KICS2: variants seen among roughly 807,000 people sequenced by gnomAD.
KICS2 encodes the protein KICSTOR subunit 2, also known as KICSTOR complex protein C12orf66.
KICS2 carries 13 observed loss-of-function variants against 31.4 expected under a neutral mutation model. The observed-to-expected ratio is 0.41, with a 90% confidence interval of 0.27 to 0.66. KICS2 has a LOEUF of 0.66. Among genes scored for constraint, KICS2 ranks in the 30% least tolerant of loss-of-function variants. The pLI, the probability that KICS2 is intolerant of heterozygous loss-of-function variation, is 0.28. For synonymous variants in KICS2, 209 were observed against 214.8 expected, an observed-to-expected ratio of 0.97 and a Z score of 0.24; for missense variants, 455 against 545.4, an observed-to-expected ratio of 0.83 and a Z score of 1.65.
Position 64,193,611 on chromosome 12 carries a change from T to C in KICS2, c.*231A>G, listed in dbSNP as rs539554559. Reference sequence around the variant, plus strand: ...GGGGAAAATACTGAAACTACTTTGCTGTACCATGGAGACACATGGTAGCCC... The same window carrying C: ...GGGGAAAATACTGAAACTACTTTGCCGTACCATGGAGACACATGGTAGCCC... On this transcript the variant is annotated 3_prime_UTR_variant, in exon 3 of 3. Transcript: ENST00000398055. 1 of 1,337,442 alleles carries C rather than the reference T, an allele frequency of 7.5e-7. No individual in the cohort carries two copies. Among genetic ancestry groups the C allele is most frequent in the Non-Finnish European group, 9.5e-7 (1 of 1,048,392 alleles). 82.8% of individuals were successfully genotyped at this position (1,337,442 alleles called of 1,614,324 possible).
At chr12:64,202,752 A>G (rs1340956323) in intron 2 of KICS2, among the ~76,000 whole-genome samples, 1 of 151,828 alleles carries the variant, frequency 6.6e-6, no homozygotes, top group Non-Finnish European at 1.5e-5. Context: ...TATCCCATAG[A>G]TTAGTACCTG....
chr12:64,191,118 T>C lies in KICS2; in HGVS notation c.*2724A>G, dbSNP rs2037374934. On this transcript the variant is annotated 3_prime_UTR_variant, in exon 3 of 3. Coordinates refer to ENST00000398055, the MANE Select transcript of KICS2 (RefSeq NM_152440.5). Reference sequence around the variant, plus strand: ...TCTTTTAATTAGCAAAACACAGACTTTACAGATCTCATTACTATATTTAGA... The same window carrying C: ...TCTTTTAATTAGCAAAACACAGACTCTACAGATCTCATTACTATATTTAGA... 1 of 152,212 alleles carries C rather than the reference T, an allele frequency of 6.6e-6. No individual in the cohort carries two copies. The highest frequency in any genetic ancestry group is 1.5e-5 in the Non-Finnish European group (1 of 68,034). The allele number at this position is 152,212 out of a possible 1,614,324, so 9.4% of individuals were successfully genotyped here. A position where few individuals can be genotyped will look rare whatever the true frequency, so the allele number is the denominator to read the frequency against.
downstream of KICS2, among the ~76,000 whole-genome samples, chr12:64,190,181 G>A (rs1045102772): frequency 2.7e-5 from 4 of 149,808 alleles, no homozygotes; most frequent in Non-Finnish European, 4.4e-5. Context: ...AAAAGAACAG[G>A]AAAGGTGCCA....
At chr12:64,190,745 CA>C (rs200719134), downstream of KICS2, among the ~76,000 whole-genome samples, 55 of 138,310 alleles carry the variant, frequency 4.0e-4, no homozygotes, top group South Asian at 9.4e-4. Flanking sequence ...CTTGCCTTTT[CA>C]AAAAAAAAAA....
At chr12:64,210,439 G>A (rs2037572640) in intron 2 of KICS2, among the ~76,000 whole-genome samples, 1 of 152,088 alleles carries the variant, frequency 6.6e-6, no homozygotes, top group African/African-American at 2.4e-5. Context: ...CTGGGAAGTG[G>A]GGTGTTTCAA....
intron 1 of KICS2, among the ~76,000 whole-genome samples, chr12:64,217,610 C>T (rs2037640980): frequency 6.6e-6 from 1 of 151,902 alleles, no homozygotes; most frequent in South Asian, 2.1e-4. Context: ...ACCAGCCTGG[C>T]CAACATGGTG....
chr12:64,220,562 T>C (rs2037671371), intron 1 of KICS2, among the ~76,000 whole-genome samples: 1 of 151,630 alleles, frequency 6.6e-6, no homozygotes, highest in South Asian at 2.1e-4. Context: ...CAAAGAATCA[T>C]GGCACTTGAA....
chr12:64,204,126 T>C (rs576963156), intron 2 of KICS2, among the ~76,000 whole-genome samples: 3 of 152,246 alleles, frequency 2.0e-5, no homozygotes, highest in Non-Finnish European at 4.4e-5. Context: ...AAACACTGCA[T>C]GTTCTCACTT....
At chr12:64,196,188 T>A (rs1268539466) in intron 2 of KICS2, among the ~76,000 whole-genome samples, 1 of 151,944 alleles carries the variant, frequency 6.6e-6, no homozygotes, top group Non-Finnish European at 1.5e-5. Context: ...CTCTGCAGAC[T>A]TAAATGTCCC....
chr12:64,215,705 T>A lies in KICS2; in HGVS notation c.494A>T (p.Asp165Val). 1 of 1,613,628 alleles carries A rather than the reference T, an allele frequency of 6.2e-7. No individual in the cohort carries two copies. Among genetic ancestry groups the A allele is most frequent in the Non-Finnish European group, 8.5e-7 (1 of 1,179,938 alleles). Residue 165 changes from aspartate to valine, a missense_variant, in exon 2 of 3, where the codon GAT (aspartate) becomes GTT (valine). Physicochemically the swap from Asp to Val is radical, Grantham distance 152. Transcript: ENST00000398055. ...GGAGCTGTATTTTTTCATGATGGCA[T>A]CCAAAAGGCCAACGAGCTCTTCAGC... ...INAEELVGLL[D>V]AIMKKYSSRF...
At position 64,194,579 on chromosome 12, in the gene KICS2, G is replaced by C; in HGVS notation, c.601C>G (p.Gln201Glu). The C allele has an allele frequency of 6.2e-7, 1 of 1,614,128 alleles. No homozygotes were observed. The highest frequency in any genetic ancestry group is 2.2e-5 in the East Asian group (1 of 44,876). ...VDVLCHLLKA[Q>E]AQVSEWKFLP... ...AACTTCCACTCTGAGACCTGGGCCT[G>C]GGCTTTCAGGAGATGACACAGGACG... is the stretch of plus-strand genomic sequence containing the variant. Residue 201 changes from glutamine (Q) to glutamate (E), a missense_variant, in exon 3 of 3, where the codon CAG becomes GAG. Physicochemically the swap from Gln to Glu is conservative, Grantham distance 29. Transcript: ENST00000398055.
intron 2 of KICS2, among the ~76,000 whole-genome samples, chr12:64,195,133 G>A (rs999370849): frequency 6.6e-6 from 1 of 152,120 alleles, no homozygotes; most frequent in African/African-American, 2.4e-5. Flanking sequence ...TGTTGCCCAG[G>A]CTGGTTTCAA....
chr12:64,191,022 T>A (rs974466223), downstream of KICS2: 1 of 152,214 alleles, frequency 6.6e-6, no homozygotes, highest in Non-Finnish European at 1.5e-5. Context: ...CAGTTACCCA[T>A]AAAAACTTAT....
chr12:64,209,743 C>G (rs1055428521), intron 2 of KICS2, among the ~76,000 whole-genome samples: 1 of 152,210 alleles, frequency 6.6e-6, no homozygotes, highest in South Asian at 2.1e-4. Context: ...ACAGGACTTA[C>G]ATGTGAAATC....
At chr12:64,219,185 T>G (rs1392810468) in intron 1 of KICS2, among the ~76,000 whole-genome samples, 1 of 152,228 alleles carries the variant, frequency 6.6e-6, no homozygotes, top group Non-Finnish European at 1.5e-5. Flanking sequence ...ATTCTCCAAC[T>G]TCTTGCTAAT....
At chr12:64,220,068 G>A (rs1454658940) in intron 1 of KICS2, among the ~76,000 whole-genome samples, 5 of 152,142 alleles carry the variant, frequency 3.3e-5, no homozygotes. Context: ...TGGAACTTAT[G>A]TTTACTGTAC....
At chr12:64,213,902 T>C (rs1352531004) in intron 2 of KICS2, among the ~76,000 whole-genome samples, 1 of 152,188 alleles carries the variant, frequency 6.6e-6, no homozygotes, top group Admixed American at 6.5e-5. Flanking sequence ...CAACCTCTCA[T>C]TATTCCTGCC....
intron 1 of KICS2, among the ~76,000 whole-genome samples, chr12:64,218,013 G>A (rs895310766): frequency 5.9e-5 from 9 of 152,184 alleles, no homozygotes; most frequent in Non-Finnish European, 1.2e-4. Flanking sequence ...CATGTGGCCC[G>A]CAGGCCACAG....
chr12:64,203,401 C>A lies in KICS2; in HGVS notation c.522-8743G>T, dbSNP rs114797624. ...CTGATACATGCTCCTTCTCCAGAAG[C>A]CTACATCAAGCGCTTACACTCTTCC... On this transcript the variant is annotated intron_variant, in intron 2 of 2. Transcript: ENST00000398055. Among the ~76,000 whole-genome samples, 1,134 of 152,312 alleles carry A rather than the reference C, an allele frequency of 7.4e-3. 18 individuals are homozygous for A. Among genetic ancestry groups the A allele is most frequent in the African/African-American group, 0.025 (1,055 of 41,560 alleles).
Sources: gnomAD v4.1 joint callset for allele counts (sites outside exome capture counted in the v4.1 genomes callset) on GRCh38, gnomAD v4.1.1 for gene constraint, MANE v1.5 for transcripts, NCBI Gene and HGNC (gene_info 2026-07-23, HGNC 2026-07-21) for gene names.